Variants in SEMA6D observed in about 807,000 individuals in gnomAD.
SEMA6D encodes semaphorin 6D.
Under a neutral mutation model 106.6 loss-of-function variants are expected in SEMA6D, and 35 were observed. The observed-to-expected ratio is 0.33, with a 90% CI of 0.25 to 0.44. The LOEUF (loss-of-function observed/expected upper bound fraction) is 0.44, where lower values mean the gene tolerates loss of function less well. Ranked by LOEUF, SEMA6D falls within the 20% of genes least tolerant of loss-of-function variation. SEMA6D has a pLI of 1.00. For synonymous variants in SEMA6D, 499 were observed against 487.7 expected (o/e 1.02, Z -0.31); for missense variants, 1,185 against 1,345.9 (o/e 0.88, Z 1.87).
chr15:47,623,948 G>A (rs767800536), intron 4 of SEMA6D, among the ~76,000 whole-genome samples: 3 of 152,002 alleles, frequency 2.0e-5, no homozygotes, highest in Non-Finnish European at 2.9e-5. Flanking sequence ...AAAATCCTTC[G>A]ATGTGTCCCC....
chr15:47,231,308 A>C (rs931923368), intron 1 of SEMA6D, among the ~76,000 whole-genome samples: 5 of 151,990 alleles, frequency 3.3e-5, no homozygotes, highest in Non-Finnish European at 5.9e-5. Flanking sequence ...TCAGCACACC[A>C]AAACCAGCTT....
At chr15:47,305,772 C>A (rs999335524) in intron 1 of SEMA6D, among the ~76,000 whole-genome samples, 1 of 152,106 alleles carries the variant, frequency 6.6e-6, no homozygotes, top group Admixed American at 6.6e-5. Context: ...GGACCACAGG[C>A]CAGGATACTT....
intron 2 of SEMA6D, among the ~76,000 whole-genome samples, chr15:47,429,741 G>A (rs1172658061): frequency 6.7e-6 from 1 of 149,486 alleles, no homozygotes; most frequent in Non-Finnish European, 1.5e-5. Context: ...TGGTTCAAGA[G>A]TATTTAAAGA....
At chr15:47,313,153 G>A (rs1476536253) in intron 1 of SEMA6D, among the ~76,000 whole-genome samples, 2 of 152,142 alleles carry the variant, frequency 1.3e-5, no homozygotes, top group African/African-American at 4.8e-5. Context: ...CATAGTTTAT[G>A]TTAGGTTTCT....
chr15:47,467,337 A>C (rs2042694358), intron 2 of SEMA6D, among the ~76,000 whole-genome samples: 1 of 152,164 alleles, frequency 6.6e-6, no homozygotes, highest in Admixed American at 6.5e-5. Flanking sequence ...CTGTGGATTG[A>C]CACACTCCGG....
At chr15:47,384,665 T>C (rs775908957) in intron 1 of SEMA6D, among the ~76,000 whole-genome samples, 7 of 152,118 alleles carry the variant, frequency 4.6e-5, no homozygotes, top group Non-Finnish European at 7.4e-5. Flanking sequence ...TCCTTCTGTG[T>C]CCCCCACCCT....
At chr15:47,264,496 A>G (rs1023114206) in intron 1 of SEMA6D, among the ~76,000 whole-genome samples, 1 of 152,084 alleles carries the variant, frequency 6.6e-6, no homozygotes, top group African/African-American at 2.4e-5. Flanking sequence ...CAGTTGTACC[A>G]TCTTACATTC....
At chr15:47,242,383 G>A (rs979872392) in intron 1 of SEMA6D, among the ~76,000 whole-genome samples, 4 of 152,110 alleles carry the variant, frequency 2.6e-5, no homozygotes, top group Non-Finnish European at 4.4e-5. Flanking sequence ...TTTAAATGCA[G>A]AACAGCCACA....
At chr15:47,285,356 C>T (rs988679325) in intron 1 of SEMA6D, among the ~76,000 whole-genome samples, 4 of 151,684 alleles carry the variant, frequency 2.6e-5, no homozygotes, top group African/African-American at 9.7e-5. Context: ...TGGCCTCTGT[C>T]TTTGGTTGAA....
At chr15:47,491,293 ATATTATC>A (rs2043467345) in intron 3 of SEMA6D, among the ~76,000 whole-genome samples, 1 of 152,212 alleles carries the variant, frequency 6.6e-6, no homozygotes, top group South Asian at 2.1e-4. Context: ...AACTTGTGAT[ATATTATC>A]ACAGTGGAAT....
chr15:47,346,302 C>T (rs1031096292), intron 1 of SEMA6D, among the ~76,000 whole-genome samples: 1 of 152,116 alleles, frequency 6.6e-6, no homozygotes, highest in Non-Finnish European at 1.5e-5. Flanking sequence ...GCTTGGAAGG[C>T]CATGGAATAG....
chr15:47,384,122 C>G (rs1384158415), intron 1 of SEMA6D, among the ~76,000 whole-genome samples: 1 of 152,160 alleles, frequency 6.6e-6, no homozygotes, highest in Non-Finnish European at 1.5e-5. Flanking sequence ...AGTTTTCCCA[C>G]AAATCAGAAT....
At chr15:47,296,375 G>A (rs1297601610) in intron 1 of SEMA6D, among the ~76,000 whole-genome samples, 1 of 152,142 alleles carries the variant, frequency 6.6e-6, no homozygotes, top group Non-Finnish European at 1.5e-5. Flanking sequence ...ATAGATATTT[G>A]CTTTATGACA....
intron 3 of SEMA6D, among the ~76,000 whole-genome samples, chr15:47,597,193 T>C (rs966263397): frequency 4.6e-5 from 7 of 152,052 alleles, no homozygotes; most frequent in Non-Finnish European, 8.8e-5. Flanking sequence ...TCAGAATGCC[T>C]ATTACTAAAA....
At chr15:47,727,307 T>G (rs1219932940) in intron 1 of SEMA6D, among the ~76,000 whole-genome samples, 2 of 152,186 alleles carry the variant, frequency 1.3e-5, no homozygotes, top group Non-Finnish European at 2.9e-5. Context: ...CATCAATGGG[T>G]CTGTTTCGCT....
At chr15:47,310,496 A>G (rs2036406843) in intron 1 of SEMA6D, among the ~76,000 whole-genome samples, 1 of 152,210 alleles carries the variant, frequency 6.6e-6, no homozygotes, top group Admixed American at 6.5e-5. Flanking sequence ...TTCAACTTGT[A>G]GGCTACTTTG....
chr15:47,590,513 A>G (rs915638861), intron 3 of SEMA6D, among the ~76,000 whole-genome samples: 1 of 145,586 alleles, frequency 6.9e-6, no homozygotes, highest in African/African-American at 2.6e-5. Flanking sequence ...CATATACCCT[A>G]GAACTTAAAG....
chr15:47,473,965 G>T (rs944538021), intron 3 of SEMA6D, among the ~76,000 whole-genome samples: 1 of 152,104 alleles, frequency 6.6e-6, no homozygotes, highest in Non-Finnish European at 1.5e-5. Context: ...TTCTGGAAAG[G>T]CTGTGCCTTT....
At chr15:47,242,293 A>T (rs1338984498) in intron 1 of SEMA6D, among the ~76,000 whole-genome samples, 2 of 152,138 alleles carry the variant, frequency 1.3e-5, no homozygotes, top group African/African-American at 4.8e-5. Flanking sequence ...TTTTAAAAAC[A>T]TGCACTTGGC....
Sources: gnomAD v4.1 joint callset for allele counts (sites outside exome capture counted in the v4.1 genomes callset) on GRCh38, gnomAD v4.1.1 for gene constraint, MANE v1.5 for transcripts, NCBI Gene and HGNC (gene_info 2026-07-23, HGNC 2026-07-21) for gene names.